MAP3K3: variants seen among roughly 807,000 people sequenced by gnomAD.
MAP3K3 encodes the protein MAP/ERK kinase kinase 3.
In MAP3K3, 12 loss-of-function variants were observed where a neutral mutation model predicts 80.9. That is an observed-to-expected ratio of 0.15 (90% CI 0.10 to 0.24). The LOEUF is 0.24. Among genes scored for constraint, MAP3K3 ranks in the 10% least tolerant of loss-of-function variants. The pLI, the probability that MAP3K3 is intolerant of heterozygous loss-of-function variation, is 1.00. For synonymous variants in MAP3K3, 272 were observed against 307.1 expected (o/e 0.89, Z 1.19); for missense variants, 596 against 834.7 (o/e 0.71, Z 3.52).
intron 6 of MAP3K3, among the ~76,000 whole-genome samples, chr17:63,673,167 C>A (rs535292514): frequency 3.0e-4 from 45 of 152,292 alleles, no homozygotes; most frequent in African/African-American, 1.0e-3. Context: ...TGAAATTCTT[C>A]TTTATTTTGG....
intron 2 of MAP3K3, chr17:63,634,564 G>T (rs1598063285): frequency 1.5e-6 from 1 of 668,544 alleles, no homozygotes; most frequent in Non-Finnish European, 2.5e-6. Context: ...GGTTATGAAG[G>T]CAGAAGCCTA....
In MAP3K3 at chr17:63,657,891, C is replaced by G; in HGVS notation, c.365C>G (p.Ser122Cys). Residue 122 changes from serine to cysteine, a missense_variant, in exon 5 of 16, where the codon TCC (serine) becomes TGC (cysteine). Transcript: ENST00000361733. The part of the protein sequence containing the change: ...SMKSLRILLL[S>C]QDRNHNSSSP... ...AAAAGCCTTAGGATATTGCTGTTGT[C>G]CCAGGACAGAAACCATGTAAGTAGC... 6.3e-7 allele frequency: 1 copy of G among 1,593,810 alleles called. No homozygotes were observed.
chr17:63,632,571 C>G, intron 1 of MAP3K3, 110 bp from the exon 2 acceptor site: 1 of 1,222,374 alleles, frequency 8.2e-7, no homozygotes, highest in South Asian at 1.4e-5. Flanking sequence ...GTTACAGGGT[C>G]TGTCATTTTA....
In MAP3K3 at chr17:63,691,962, A is replaced by G; in HGVS notation, c.1474+100A>G. The stretch of plus-strand genomic sequence containing the variant: ...TCACTTAACCATTCTGAACTTTCTG[A>G]AAAGTGGGACCCCAGTTGTTTCCCT... On this transcript the variant is annotated intron_variant, in intron 14 of 15. Coordinates refer to ENST00000361733, the MANE Select transcript of MAP3K3 (RefSeq NM_002401.5). The surrounding 1 kb of genome is among the most constrained non-coding windows in gnomAD (Gnocchi z 4.8). The G allele has an allele frequency of 2.2e-6, 3 of 1,368,952 alleles. No individual in the cohort carries two copies. Among genetic ancestry groups the G allele is most frequent in the Non-Finnish European group, 3.0e-6 (3 of 988,136 alleles). The allele number at this position is 1,368,952 out of a possible 1,614,324, so 84.8% of individuals were successfully genotyped here.
At chr17:63,687,956 T>C (rs58258354) in intron 8 of MAP3K3, among the ~76,000 whole-genome samples, 2,616 of 151,282 alleles carry the variant, frequency 0.017, 69 homozygotes, top group African/African-American at 0.06. Flanking sequence ...AGTCTGGCCC[T>C]GTCTTCCTAG....
chr17:63,674,787 A>G (rs2143514062), intron 6 of MAP3K3, among the ~76,000 whole-genome samples: 1 of 152,244 alleles, frequency 6.6e-6, no homozygotes, highest in African/African-American at 2.4e-5. Context: ...GAGTCCAGGT[A>G]GAGGGTTTAT....
At chr17:63,690,951 G>A (rs2035574001) in intron 12 of MAP3K3, 151 bp from the exon 13 acceptor site, 1 of 901,184 alleles carries the variant, frequency 1.1e-6, no homozygotes, top group Admixed American at 2.4e-5. Context: ...TTGTGGCCAA[G>A]AGCTAGACAG....
intron 2 of MAP3K3, among the ~76,000 whole-genome samples, chr17:63,644,120 G>A (rs1259639780): frequency 6.6e-6 from 1 of 152,056 alleles, no homozygotes; most frequent in Non-Finnish European, 1.5e-5. Context: ...ACAATGCTTG[G>A]TTTGTGGTAA....
chr17:63,676,424 T>C (rs2035221393), intron 6 of MAP3K3, among the ~76,000 whole-genome samples: 1 of 152,210 alleles, frequency 6.6e-6, no homozygotes, highest in Non-Finnish European at 1.5e-5. Context: ...TGTAACAGAT[T>C]GAGGGCATTT....
At chr17:63,652,226 A>G (rs1426361140) in intron 3 of MAP3K3, among the ~76,000 whole-genome samples, 1 of 151,430 alleles carries the variant, frequency 6.6e-6, no homozygotes, top group African/African-American at 2.4e-5. Flanking sequence ...TTCCCCCTCC[A>G]TGTGTCTGTG....
At chr17:63,667,186 C>G in intron 6 of MAP3K3, 126 bp downstream of exon 6, 9 of 985,188 alleles carry the variant, frequency 9.1e-6, no homozygotes, top group South Asian at 4.5e-5. Flanking sequence ...TAGAGTAATC[C>G]TTTATGCCTT....
chr17:63,625,536 C>T (rs1219741601), intron 1 of MAP3K3, among the ~76,000 whole-genome samples: 1 of 152,178 alleles, frequency 6.6e-6, no homozygotes, highest in African/African-American at 2.4e-5. Context: ...TACAGATGAT[C>T]TGGTTCTGGT....
intron 6 of MAP3K3, among the ~76,000 whole-genome samples, chr17:63,681,112 T>TA (rs76886126): frequency 0.03 from 3,942 of 130,442 alleles, 158 homozygotes; most frequent in African/African-American, 0.098. Flanking sequence ...TGTCTCAATT[T>TA]AAAAAAAAAA....
At position 63,691,596 on chromosome 17, in the gene MAP3K3, T is replaced by A. The variant is rs1164243678; in HGVS notation, c.1345-137T>A. 6.3e-6 allele frequency: 8 copies of A among 1,276,794 alleles called. No individual in the cohort carries two copies. The highest frequency in any genetic ancestry group is 8.7e-6 in the Non-Finnish European group (8 of 923,042). 79.1% of individuals were successfully genotyped at this position (1,276,794 alleles called of 1,614,324 possible). A position where few individuals can be genotyped will look rare whatever the true frequency, so the allele number is the denominator to read the frequency against. On this transcript the variant is annotated intron_variant, in intron 13 of 15. Coordinates refer to ENST00000361733, the MANE Select transcript of MAP3K3 (RefSeq NM_002401.5). The surrounding 1 kb of genome is among the most constrained non-coding windows in gnomAD (Gnocchi z 4.8). ...TCTCTTTTCCAAACTGCCTGACAGC[T>A]CCTGGCAAAATGCCCTGCCCAGCCA... is the stretch of plus-strand genomic sequence containing the variant.
intron 5 of MAP3K3, among the ~76,000 whole-genome samples, chr17:63,666,501 G>A (rs1440496826): frequency 6.6e-6 from 1 of 152,088 alleles, no homozygotes. Context: ...TACATATATA[G>A]CAACCAGAAT....
intron 6 of MAP3K3, among the ~76,000 whole-genome samples, chr17:63,669,290 C>T (rs2035057148): frequency 6.6e-6 from 1 of 152,024 alleles, no homozygotes; most frequent in Admixed American, 6.6e-5. Context: ...GTGGAGAGCT[C>T]GCTATTCTTC....
intron 4 of MAP3K3, among the ~76,000 whole-genome samples, chr17:63,654,536 G>C (rs1350100872): frequency 6.6e-6 from 1 of 152,140 alleles, no homozygotes; most frequent in African/African-American, 2.4e-5. Flanking sequence ...TTGTTTACAA[G>C]TGTTTAAATG....
Position 63,692,107 on chromosome 17 carries a change from T to C in MAP3K3, c.1475-135T>C. On this transcript the variant is annotated intron_variant, in intron 14 of 15. Transcript: ENST00000361733. This position sits in a 1 kb window ranked among gnomAD's most constrained non-coding sequence, Gnocchi z 4.5. ...CTGAGACTCCCCTTTGCTAAATCCT[T>C]TGCCCTTTGCAGTTCATGTCTAATT... 9.4e-7 allele frequency: 1 copy of C among 1,066,122 alleles called. No individual in the cohort carries two copies. Among genetic ancestry groups the C allele is most frequent in the Non-Finnish European group, 1.4e-6 (1 of 724,454 alleles). 66.0% of individuals were successfully genotyped at this position (1,066,122 alleles called of 1,614,324 possible).
chr17:63,670,754 A>G (rs983491987), intron 6 of MAP3K3, among the ~76,000 whole-genome samples: 3 of 152,146 alleles, frequency 2.0e-5, no homozygotes, highest in Admixed American at 6.6e-5. Context: ...GGATGTTACA[A>G]GAGCAGAGAC....
Sources: gnomAD v4.1 joint callset for allele counts (sites outside exome capture counted in the v4.1 genomes callset) on GRCh38, gnomAD v4.1.1 for gene constraint, Gnocchi (gnomAD v3.1) non-coding constraint, MANE v1.5 for transcripts, NCBI Gene and HGNC (gene_info 2026-07-23, HGNC 2026-07-21) for gene names.